The following CACNA1S variants were observed in gnomAD, a reference collection of about 807,000 sequenced individuals.
The protein encoded by CACNA1S is voltage-dependent L-type calcium channel subunit alpha-1S.
CACNA1S carries 126 observed loss-of-function variants against 207.4 expected under a neutral mutation model. That is an observed-to-expected ratio of 0.61 (90% CI 0.53 to 0.70). The LOEUF is 0.70. Among genes scored for constraint, CACNA1S ranks in the 30% least tolerant of loss-of-function variants. The pLI is 0.00. For synonymous variants in CACNA1S, 960 were observed against 932.7 expected (o/e 1.03, Z -0.53); for missense variants, 2,349 against 2,422.8 (o/e 0.97, Z 0.64).
chr1:201,083,989 C>T (rs561717833), intron 9 of CACNA1S, among the ~76,000 whole-genome samples: 15 of 152,164 alleles, frequency 9.9e-5, no homozygotes, highest in Admixed American at 2.6e-4. Context: ...CTGTTTGTAT[C>T]GCCAAAGAGG....
intron 29 of CACNA1S, 64 bp downstream of exon 29, chr1:201,054,441 G>GC: frequency 6.1e-6 from 9 of 1,477,356 alleles, no homozygotes; most frequent in Non-Finnish European, 8.5e-6. Flanking sequence ...CCAGGCCCAT[G>GC]CATGCAAGTG....
At chr1:201,052,315 A>G (rs1346931133) in intron 32 of CACNA1S, among the ~76,000 whole-genome samples, 1 of 152,052 alleles carries the variant, frequency 6.6e-6, no homozygotes, top group Non-Finnish European at 1.5e-5. Flanking sequence ...GCAGCACTTC[A>G]CTCAGTGGAG....
rs1345641679 is a variant in CACNA1S at position 201,039,984 on chromosome 1, C to T, written c.5469G>A (p.Glu1823=). ...GCTCTGTTGCCATGATCTCCACTTC[C>T]TCTGGTTCCATTTGGCAGGCATCTG... is the stretch of plus-strand genomic sequence containing the variant. ...ALADACQMEP[E]EVEIMATELL... is the part of the protein sequence containing the mutation. Residue 1823 remains glutamate, a synonymous_variant, in exon 44 of 44, where the codon GAG becomes GAA. Coordinates refer to ENST00000362061, the MANE Select transcript of CACNA1S (RefSeq NM_000069.3). 1.2e-6 allele frequency: 2 copies of T among 1,614,150 alleles called. No individual in the cohort carries two copies. The highest frequency in any genetic ancestry group is 4.5e-5 in the East Asian group (2 of 44,896).
chr1:201,103,156 G>T (rs187123707), intron 2 of CACNA1S, among the ~76,000 whole-genome samples: 117 of 151,290 alleles, frequency 7.7e-4, no homozygotes, highest in African/African-American at 2.7e-3. Flanking sequence ...TGAGACAGGA[G>T]AATTGCTTGA....
chr1:201,089,369 G>T lies in CACNA1S; in HGVS notation c.789C>A (p.Gly263=), dbSNP rs368173398. Residue 263 remains glycine, a synonymous_variant, in exon 6 of 44, where the codon GGC becomes GGA. Coordinates refer to ENST00000362061, the MANE Select transcript of CACNA1S (RefSeq NM_000069.3). ...TGCCATGGTTGGGCCCTGGCCAGCC[G>T]CCCCGGCACTCACTGCCATTGATGG... ...RCTINGSECR[G]GWPGPNHGIT... 2.2e-5 allele frequency: 35 copies of T among 1,614,238 alleles called. No homozygotes were observed. In the African/African-American group the frequency reaches 3.7e-4, roughly 17 times the overall value.
intron 24 of CACNA1S, 46 bp downstream of exon 24, chr1:201,061,898 T>C (rs1661062394): frequency 1.9e-6 from 3 of 1,610,240 alleles, no homozygotes; most frequent in Admixed American, 3.3e-5. Context: ...TGCCTGGTCC[T>C]ACCTGACCAT....
intron 22 of CACNA1S, among the ~76,000 whole-genome samples, chr1:201,063,944 C>G (rs1228505835): frequency 1.3e-5 from 2 of 152,204 alleles, no homozygotes; most frequent in Non-Finnish European, 2.9e-5. Flanking sequence ...GTGGTGTTTC[C>G]ACAGAGTCAA....
Position 201,073,639 on chromosome 1 carries a change from A to T in CACNA1S, c.2067T>A (p.Gly689=). The stretch of plus-strand genomic sequence containing the variant: ...TCTCCTCTTCTGACTTGTCTGGGAG[A>T]CCCCTGAGTTAGAAAACCCAAAGTG... ...EEKKRRKMSK[G]LPDKSEEEKS... is the part of the protein sequence containing the mutation. The change falls in exon 15 of 44, where the codon GGT becomes GGA. Residue 689 remains glycine (G), a synonymous_variant. Transcript: ENST00000362061. The T allele has an allele frequency of 6.2e-7, 1 of 1,613,648 alleles. No individual in the cohort carries two copies. Among genetic ancestry groups the T allele is most frequent in the Non-Finnish European group, 8.5e-7 (1 of 1,179,732 alleles).
intron 10 of CACNA1S, among the ~76,000 whole-genome samples, chr1:201,078,542 C>T (rs972903174): frequency 4.8e-5 from 7 of 146,566 alleles, no homozygotes; most frequent in Non-Finnish European, 1.0e-4. Context: ...AAAAAAAACC[C>T]GGTAAATTTT....
At chr1:201,059,419 C>T (rs1572033823) in intron 26 of CACNA1S, 120 bp from the exon 27 acceptor site, 1 of 638,784 alleles carries the variant, frequency 1.6e-6, no homozygotes, top group South Asian at 2.0e-5. Flanking sequence ...GGGCCCCCTG[C>T]TCACTTTGTT....
rs543629732 is a variant in CACNA1S at position 201,072,715 on chromosome 1, C to A, written c.2227+40G>T. ...TCAGGACCGGCACACCCCTACTTCA[C>A]CCCAGCACCCTGCTCCAGTCCAGTC... On this transcript the variant is annotated intron_variant, in intron 16 of 43. Transcript: ENST00000362061. 5 of 1,538,526 alleles carry A rather than the reference C, an allele frequency of 3.2e-6. No homozygotes were observed. In the East Asian group the frequency reaches 9.0e-5, roughly 28 times the overall value.
At chr1:201,105,632 C>G (rs545224355) in intron 2 of CACNA1S, among the ~76,000 whole-genome samples, 2 of 152,304 alleles carry the variant, frequency 1.3e-5, no homozygotes, top group African/African-American at 4.8e-5. Context: ...ACCCTCTGAT[C>G]AGCTGCATAT....
chr1:201,102,339 C>A (rs1662705539), intron 2 of CACNA1S, among the ~76,000 whole-genome samples: 2 of 152,160 alleles, frequency 1.3e-5, no homozygotes, highest in African/African-American at 4.8e-5. Context: ...CACATACAAC[C>A]ACTGGGAGGG....
intron 2 of CACNA1S, among the ~76,000 whole-genome samples, chr1:201,103,988 A>G (rs910871868): frequency 1.4e-5 from 2 of 147,324 alleles, no homozygotes; most frequent in African/African-American, 2.5e-5. Flanking sequence ...AGAGCTTGCC[A>G]GGCCCTGCCC....
rs777227987 is a variant in CACNA1S at position 201,046,677 on chromosome 1, GC to G, written c.4668+437del. 9.5e-4 allele frequency among the ~76,000 whole-genome samples: 145 copies of G among 151,970 alleles called. 1 individual carries two copies. Among genetic ancestry groups the G allele is most frequent in the Non-Finnish European group, 1.7e-3 (118 of 67,990 alleles). On this transcript the variant is annotated intron_variant, in intron 38 of 43. Transcript: ENST00000362061. Reference sequence around the variant, plus strand: ...ACGCCTCAGCCTCCTGAGTAGCTGGGCACATGCCGCCACACCTGACTAATTT... The same window carrying G: ...ACGCCTCAGCCTCCTGAGTAGCTGGGACATGCCGCCACACCTGACTAATTT...
At chr1:201,097,594 T>G (rs1662484170) in intron 2 of CACNA1S, among the ~76,000 whole-genome samples, 1 of 152,204 alleles carries the variant, frequency 6.6e-6, no homozygotes, top group South Asian at 2.1e-4. Flanking sequence ...TTCTCTTTGC[T>G]GCCTCCTGAC....
chr1:201,109,932 A>G (rs1281019268), intron 2 of CACNA1S, among the ~76,000 whole-genome samples: 3 of 152,310 alleles, frequency 2.0e-5, no homozygotes, highest in Admixed American at 1.3e-4. Context: ...CCTGGGACCA[A>G]TGAGTGCGTG....
intron 10 of CACNA1S, among the ~76,000 whole-genome samples, chr1:201,081,889 C>T (rs1661855248): frequency 6.6e-6 from 1 of 152,232 alleles, no homozygotes; most frequent in African/African-American, 2.4e-5. Flanking sequence ...CCTGCCCTCC[C>T]TTTGCCTTCC....
intron 2 of CACNA1S, among the ~76,000 whole-genome samples, chr1:201,095,961 G>A (rs954586810): frequency 6.6e-6 from 1 of 152,238 alleles, no homozygotes; most frequent in African/African-American, 2.4e-5. Flanking sequence ...TAAGGGAGGA[G>A]AGTGAAGTCA....
Sources: allele counts gnomAD v4.1 joint callset (sites outside exome capture counted in the v4.1 genomes callset), GRCh38; gene constraint gnomAD v4.1.1; transcripts MANE v1.5; gene names NCBI Gene and HGNC (gene_info 2026-07-23, HGNC 2026-07-21).